Variants in CADM2 observed in about 807,000 individuals in gnomAD.
CADM2 encodes immunoglobulin superfamily member 4D.
CADM2 carries 12 observed loss-of-function variants against 49.8 expected under a neutral mutation model. That is an observed-to-expected ratio of 0.24 (90% CI 0.15 to 0.39). The LOEUF is 0.39. CADM2 is among the 10% of genes least tolerant of loss of function. The pLI is 1.00. For missense variants in CADM2, 378 were observed against 492.3 expected (o/e 0.77, Z 2.20); for synonymous variants, 214 against 175.4 (o/e 1.22, Z -1.74).
intron 1 of CADM2, among the ~76,000 whole-genome samples, chr3:85,427,168 A>ATG (rs2036446487): frequency 2.6e-5 from 1 of 37,742 alleles, no homozygotes; most frequent in Admixed American, 4.6e-4. Flanking sequence ...AACTATATAT[A>ATG]TATATATATA....
Position 85,672,256 on chromosome 3 carries a change from G to T in CADM2, c.62-54266G>T, listed in dbSNP as rs1559583823. The stretch of plus-strand genomic sequence containing the variant: ...CGCCCAGGCCAGAGTGCAGTGGCAT[G>T]ATCTCTGCTCACTGCAAGCTCCGCC... On this transcript the variant is annotated intron_variant, in intron 1 of 9. Coordinates refer to ENST00000383699, the MANE Select transcript of CADM2 (RefSeq NM_001167675.2). Among the ~76,000 whole-genome samples the T allele has an allele frequency of 2.1e-5, 3 of 139,612 alleles. No homozygotes were observed. The East Asian group carries it at 6.6e-4, about 31-fold the overall frequency. 91.6% of individuals were successfully genotyped at this position (139,612 alleles called of 152,430 possible). A position where few individuals can be genotyped will look rare whatever the true frequency, so the allele number is the denominator to read the frequency against.
intron 1 of CADM2, among the ~76,000 whole-genome samples, chr3:85,640,798 G>T (rs1323977415): frequency 6.6e-6 from 1 of 152,204 alleles, no homozygotes. Flanking sequence ...GCAATTTAGA[G>T]ATTGTTGCAG....
intron 1 of CADM2, among the ~76,000 whole-genome samples, chr3:85,383,792 T>C (rs2034049623): frequency 6.6e-6 from 1 of 151,892 alleles, no homozygotes. Context: ...TGTTCCTCCT[T>C]TGATATTTTG....
chr3:85,768,534 CAAA>C (rs2069796604), intron 2 of CADM2, among the ~76,000 whole-genome samples: 1 of 147,670 alleles, frequency 6.8e-6, no homozygotes, highest in Admixed American at 6.8e-5. Context: ...ATAATATGAA[CAAA>C]ACTTCTTGGC....
Position 84,972,134 on chromosome 3 carries a change from T to C in CADM2, c.61+12466T>C, listed in dbSNP as rs1481317620. ...CAGGCAAGCCGTGTCACGGTCTCAC[T>C]GGCCTTGAGCAAGTTACTTCTCTTG... On this transcript the variant is annotated intron_variant, in intron 1 of 9. Transcript: ENST00000383699. Among the ~76,000 whole-genome samples, 5 of 152,328 alleles carry C rather than the reference T, an allele frequency of 3.3e-5. No homozygotes were observed. The South Asian group carries it at 8.3e-4, about 25-fold the overall frequency.
chr3:85,900,785 T>C (rs922908563), intron 5 of CADM2, among the ~76,000 whole-genome samples: 16 of 152,160 alleles, frequency 1.1e-4, no homozygotes, highest in African/African-American at 3.9e-4. Context: ...CTGCTCAAAT[T>C]TTCTTCAGGT....
chr3:85,944,319 A>G (rs1288867877), intron 7 of CADM2, among the ~76,000 whole-genome samples: 1 of 152,068 alleles, frequency 6.6e-6, no homozygotes, highest in Non-Finnish European at 1.5e-5. Context: ...ACACAATAAT[A>G]ATGGGAGGCT....
At chr3:85,468,229 T>G (rs2038606282) in intron 1 of CADM2, among the ~76,000 whole-genome samples, 1 of 151,306 alleles carries the variant, frequency 6.6e-6, no homozygotes, top group East Asian at 1.9e-4. Context: ...GACCACTGTC[T>G]GTTGTTTGCA....
At chr3:85,577,551 C>T (rs942998206) in intron 1 of CADM2, among the ~76,000 whole-genome samples, 3 of 152,086 alleles carry the variant, frequency 2.0e-5, no homozygotes, top group African/African-American at 7.2e-5. Flanking sequence ...ATTCAAAAAT[C>T]GCCCAGTCTG....
intron 1 of CADM2, among the ~76,000 whole-genome samples, chr3:85,323,579 T>A (rs1321382366): frequency 6.6e-6 from 1 of 152,154 alleles, no homozygotes; most frequent in Non-Finnish European, 1.5e-5. Context: ...ACCTTAAATA[T>A]ATGTTCAAAA....
intron 1 of CADM2, among the ~76,000 whole-genome samples, chr3:85,186,833 A>G (rs2041077378): frequency 6.6e-6 from 1 of 152,200 alleles, no homozygotes; most frequent in Non-Finnish European, 1.5e-5. Context: ...AGTGTATAAT[A>G]CAGATCTAAA....
At chr3:85,278,017 T>C (rs570019716) in intron 1 of CADM2, among the ~76,000 whole-genome samples, 172 of 150,260 alleles carry the variant, frequency 1.1e-3, no homozygotes, top group African/African-American at 4.1e-3. Flanking sequence ...GTTTCTCCCC[T>C]TTTTTTTTCT....
intron 1 of CADM2, among the ~76,000 whole-genome samples, chr3:85,293,321 A>G (rs1354418999): frequency 1.3e-5 from 2 of 151,544 alleles, no homozygotes; most frequent in Non-Finnish European, 2.9e-5. Flanking sequence ...AAAAGAGTCC[A>G]GGACCAGATG....
chr3:85,359,637 CATAT>C (rs1191509964), intron 1 of CADM2, among the ~76,000 whole-genome samples: 2,811 of 34,254 alleles, frequency 0.082, 445 homozygotes, highest in African/African-American at 0.21. Flanking sequence ...CCAATGTCAG[CATAT>C]ATATATATAT....
At chr3:85,807,210 A>G (rs1669190197) in intron 3 of CADM2, among the ~76,000 whole-genome samples, 1 of 152,068 alleles carries the variant, frequency 6.6e-6, no homozygotes, top group Non-Finnish European at 1.5e-5. Flanking sequence ...ATAGATTAAG[A>G]CAGAAGGGCC....
At chr3:85,999,858 T>A (rs1419630208) in intron 8 of CADM2, among the ~76,000 whole-genome samples, 1 of 152,132 alleles carries the variant, frequency 6.6e-6, no homozygotes, top group East Asian at 1.9e-4. Context: ...GAATGTTGTC[T>A]GAGAAGAAAA....
At chr3:85,582,965 C>T (rs1436319486) in intron 1 of CADM2, among the ~76,000 whole-genome samples, 1 of 151,776 alleles carries the variant, frequency 6.6e-6, no homozygotes, top group African/African-American at 2.4e-5. Flanking sequence ...TAATACCTAC[C>T]CCAAAAAAGA....
At chr3:85,705,136 G>A (rs1270745211) in intron 1 of CADM2, among the ~76,000 whole-genome samples, 1 of 150,026 alleles carries the variant, frequency 6.7e-6, no homozygotes, top group Non-Finnish European at 1.5e-5. Context: ...AAAGTGCTGG[G>A]ATCACAGGTG....
At chr3:85,892,860 A>T (rs1714655019) in intron 5 of CADM2, among the ~76,000 whole-genome samples, 1 of 152,168 alleles carries the variant, frequency 6.6e-6, no homozygotes, top group African/African-American at 2.4e-5. Flanking sequence ...ATGTGGGAAA[A>T]TTTAGACTTG....
Sources: gnomAD v4.1 joint callset for allele counts (sites outside exome capture counted in the v4.1 genomes callset) on GRCh38, gnomAD v4.1.1 for gene constraint, MANE v1.5 for transcripts, NCBI Gene and HGNC (gene_info 2026-07-23, HGNC 2026-07-21) for gene names.